The following ITGB7 variants were observed in gnomAD, a reference collection of about 807,000 sequenced individuals.
The protein encoded by ITGB7 is integrin beta-7.
Under a neutral mutation model 83.4 loss-of-function variants are expected in ITGB7, and 55 were observed. That is an observed-to-expected ratio of 0.66 (90% CI 0.53 to 0.83). The LOEUF (loss-of-function observed/expected upper bound fraction) is 0.83. Ranked by LOEUF, ITGB7 falls within the 40% of genes least tolerant of loss-of-function variation. The pLI is 0.00. For missense variants in ITGB7, 921 were observed against 1,046.7 expected (o/e 0.88, Z 1.66); for synonymous variants, 454 against 423.6 (o/e 1.07, Z -0.88).
At chr12:53,198,883 G>A (rs1352532906) in intron 3 of ITGB7, among the ~76,000 whole-genome samples, 3 of 152,176 alleles carry the variant, frequency 2.0e-5, no homozygotes, top group South Asian at 2.1e-4. Context: ...GGAAGCCACA[G>A]GGGAAGGAAA....
chr12:53,194,194 T>C lies in ITGB7; in HGVS notation c.1308+4A>G. 6.2e-7 allele frequency: 1 copy of C among 1,614,058 alleles called. No homozygotes were observed. The highest frequency in any genetic ancestry group is 8.5e-7 in the Non-Finnish European group (1 of 1,179,996). ...GCCTTCTGCCTGTGCTTGCTGGCTC[T>C]CACCGTCTGGTTGATTCGGACGTGG... On this transcript the variant is annotated splice_donor_region_variant and intron_variant, in intron 10 of 15. Coordinates refer to ENST00000267082, the MANE Select transcript of ITGB7 (RefSeq NM_000889.3).
Position 53,203,853 on chromosome 12 carries a change from G to A in ITGB7, c.-126-2659C>T, listed in dbSNP as rs559354297. ...TACAATCTCTGTGGAAAACAATTTG[G>A]TTCCTCAATAAATTGAGCATAGGAT... On this transcript the variant is annotated intron_variant, in intron 1 of 15. Coordinates refer to ENST00000267082, the MANE Select transcript of ITGB7 (RefSeq NM_000889.3). 9.9e-5 allele frequency among the ~76,000 whole-genome samples: 15 copies of A among 152,074 alleles called. 1 individual carries two copies. The highest frequency in any genetic ancestry group is 3.6e-4 in the African/African-American group (15 of 41,492).
At chr12:53,199,687 A>G (rs1467279592) in intron 3 of ITGB7, among the ~76,000 whole-genome samples, 1 of 117,822 alleles carries the variant, frequency 8.5e-6, no homozygotes, top group East Asian at 2.8e-4. Flanking sequence ...CCCATCCCCC[A>G]ACCCCATCCC....
rs781513236 is a variant in ITGB7 at position 53,191,779 on chromosome 12, G to A, written c.2316+80C>T. 97 of 1,587,526 alleles carry A rather than the reference G, an allele frequency of 6.1e-5. 1 individual carries two copies. The highest frequency in any genetic ancestry group is 6.1e-5 in the Non-Finnish European group (71 of 1,157,626). On this transcript the variant is annotated intron_variant, in intron 15 of 15. Coordinates refer to ENST00000267082, the MANE Select transcript of ITGB7 (RefSeq NM_000889.3). ...TTGGTTACATGTGCCAGGGGCTGGG[G>A]GAACCCAGTGGGAGGAATCAGGGCT...
At position 53,193,786 on chromosome 12, in the gene ITGB7, T is replaced by C; in HGVS notation, c.1424A>G (p.Asp475Gly). Residue 475 changes from aspartate to glycine, a missense_variant, in exon 11 of 16, where the codon GAC becomes GGC. Coordinates refer to ENST00000267082, the MANE Select transcript of ITGB7 (RefSeq NM_000889.3). ...GGGCTGGGTGTCACTGCAATTACAG[T>C]CACACAGCGTGTGCAACTCCACAAT... ...ELIVELHTLCDCNCSDTQPQA... is the reference protein window; with the variant it reads ...ELIVELHTLCGCNCSDTQPQA... 1 of 1,613,928 alleles carries C rather than the reference T, an allele frequency of 6.2e-7. No individual in the cohort carries two copies. The highest frequency in any genetic ancestry group is 8.5e-7 in the Non-Finnish European group (1 of 1,179,960).
intron 1 of ITGB7, among the ~76,000 whole-genome samples, chr12:53,206,495 C>T (rs116985243): frequency 1.3e-5 from 2 of 152,170 alleles, no homozygotes; most frequent in East Asian, 3.9e-4. Flanking sequence ...CCCCACTAGC[C>T]CTGGTGGGCT....
At chr12:53,192,184 A>G (rs1941978204) in intron 14 of ITGB7, 146 bp downstream of exon 14, 2 of 1,195,126 alleles carry the variant, frequency 1.7e-6, no homozygotes, top group African/African-American at 1.5e-5. Context: ...AGCCTCGTCC[A>G]CTTGCTCAAT....
At position 53,193,694 on chromosome 12, in the gene ITGB7, G is replaced by T. The variant is rs1394541836; in HGVS notation, c.1502+14C>A. 8 of 1,593,864 alleles carry T rather than the reference G, an allele frequency of 5.0e-6. No individual in the cohort carries two copies. The highest frequency in any genetic ancestry group is 6.0e-6 in the Non-Finnish European group (7 of 1,168,536). Reference sequence around the variant, plus strand: ...TTGGGAGCCAGGTGGTTGAAGGGAAGAGGAGGCCCTCACCTGCATACACCA... The same window carrying T: ...TTGGGAGCCAGGTGGTTGAAGGGAATAGGAGGCCCTCACCTGCATACACCA... On this transcript the variant is annotated intron_variant, in intron 11 of 15. Transcript: ENST00000267082.
At position 53,197,715 on chromosome 12, in the gene ITGB7, A is replaced by C. The variant is rs766466305; in HGVS notation, c.403+35T>G. ...GCAGAGCGCATTGGAACGCCAGCCT[A>C]GACCTCTGGCCTGGCCCCGCCTCCC... On this transcript the variant is annotated intron_variant, in intron 4 of 15. Transcript: ENST00000267082. 1.9e-6 allele frequency: 3 copies of C among 1,595,754 alleles called. No individual in the cohort carries two copies. The African/African-American group carries it at 4.0e-5, about 21-fold the overall frequency.
At position 53,193,740 on chromosome 12, in the gene ITGB7, A is replaced by C; in HGVS notation, c.1470T>G (p.Asp490Glu). ...DTQPQAPHCS[D>E]GQGHLQCGVC... ...CACCACATTGTAGGTGTCCCTGGCC[A>C]TCACTGCAGTGGGGAGCCTGGGGCT... Residue 490 changes from aspartate (D) to glutamate (E), a missense_variant, in exon 11 of 16, where the codon GAT (aspartate) becomes GAG (glutamate). By Grantham distance (45) the Asp-to-Glu change is conservative. Coordinates refer to ENST00000267082, the MANE Select transcript of ITGB7 (RefSeq NM_000889.3). 6.2e-7 allele frequency: 1 copy of C among 1,613,808 alleles called. No homozygotes were observed. Among genetic ancestry groups the C allele is most frequent in the Non-Finnish European group, 8.5e-7 (1 of 1,179,868 alleles).
rs1942010774 is a variant in ITGB7 at position 53,192,852 on chromosome 12, T to C, written c.1785A>G (p.Ala595=). ...TGTCCATGTCCCCACTGCATTCGCA[T>C]GCTCTGCCCGTGCGGTTGGCATGAC... ...CHCHANRTGR[A]CECSGDMDSC... is the part of the protein sequence containing the mutation. Residue 595 remains alanine (A), a synonymous_variant, in exon 13 of 16, where the codon GCA becomes GCG. Coordinates refer to ENST00000267082, the MANE Select transcript of ITGB7 (RefSeq NM_000889.3). The C allele has an allele frequency of 1.9e-6, 3 of 1,614,112 alleles. No homozygotes were observed. Among genetic ancestry groups the C allele is most frequent in the Admixed American group, 3.3e-5 (2 of 60,014 alleles).
Position 53,192,376 on chromosome 12 carries a change from C to T in ITGB7, c.2109G>A (p.Glu703=). ...LDNQLFFFLV[E]DDARGTVVLR... ...GCACGACCGTGCCTCTGGCGTCATC[C>T]TCCACCAAGAAGAAGAACAGCTGGT... Residue 703 remains glutamate (E), a synonymous_variant, in exon 14 of 16, where the codon GAG becomes GAA. Transcript: ENST00000267082. 1 of 1,614,166 alleles carries T rather than the reference C, an allele frequency of 6.2e-7. No homozygotes were observed. The highest frequency in any genetic ancestry group is 8.5e-7 in the Non-Finnish European group (1 of 1,180,036).
chr12:53,200,385 T>G lies in ITGB7; in HGVS notation c.59A>C (p.Glu20Ala). ...TGTGGATGGGATCTTGGCGTCCAAT[T>G]CACTCTCACCTCTGCTCAGGACCAG... is the stretch of plus-strand genomic sequence containing the variant. ...LLLVLSRGESELDAKIPSTGD... is the reference protein window; with the variant it reads ...LLLVLSRGESALDAKIPSTGD... The change falls in exon 3 of 16, where the codon GAA becomes GCA. Residue 20 changes from glutamate (E) to alanine (A), a missense_variant. By Grantham distance (107) the Glu-to-Ala change is moderately radical. Coordinates refer to ENST00000267082, the MANE Select transcript of ITGB7 (RefSeq NM_000889.3). 5 of 1,614,156 alleles carry G rather than the reference T, an allele frequency of 3.1e-6. No individual in the cohort carries two copies. The highest frequency in any genetic ancestry group is 4.2e-6 in the Non-Finnish European group (5 of 1,180,024).
chr12:53,206,188 GTC>G (rs1046352517), intron 1 of ITGB7, among the ~76,000 whole-genome samples: 3 of 152,042 alleles, frequency 2.0e-5, no homozygotes, highest in Non-Finnish European at 4.4e-5. Flanking sequence ...CTGCTTCTCT[GTC>G]TCTCTCTGGC....
At position 53,196,136 on chromosome 12, in the gene ITGB7, T is replaced by A. The variant is rs1441767396; in HGVS notation, c.880A>T (p.Thr294Ser). ...LVFTSDDTFH[T>S]AGDGKLGGIF... Reference sequence around the variant, plus strand: ...CCGCCCAACTTCCCGTCCCCAGCTGTATGGAATGTGTCGTCTGAAGTGAAC... The same window carrying A: ...CCGCCCAACTTCCCGTCCCCAGCTGAATGGAATGTGTCGTCTGAAGTGAAC... The change falls in exon 7 of 16, where the codon ACA becomes TCA. Residue 294 changes from threonine (T) to serine (S), a missense_variant. Physicochemically the swap from Thr to Ser is moderately conservative, Grantham distance 58. Transcript: ENST00000267082. 6.2e-7 allele frequency: 1 copy of A among 1,614,142 alleles called. No homozygotes were observed.
chr12:53,196,908 G>A (rs1942180928), intron 5 of ITGB7, 88 bp from the exon 6 acceptor site: 2 of 1,480,006 alleles, frequency 1.4e-6, no homozygotes, highest in African/African-American at 2.8e-5. Flanking sequence ...AAGTGGGGTG[G>A]GGAGGACGGT....
chr12:53,197,033 C>T, intron 5 of ITGB7: 1 of 598,458 alleles, frequency 1.7e-6, no homozygotes, highest in Non-Finnish European at 2.9e-6. Context: ...ACACAACTTC[C>T]TGGGCAAATG....
rs1444700215 is a variant in ITGB7, at chr12:53,193,188, C to T, written c.1678G>A (p.Glu560Lys). The T allele has an allele frequency of 3.1e-6, 5 of 1,614,100 alleles. No individual in the cohort carries two copies. Among genetic ancestry groups the T allele is most frequent in the African/African-American group, 2.7e-5 (2 of 75,036 alleles). Residue 560 changes from glutamate (E) to lysine (K), a missense_variant, in exon 12 of 16, where the codon GAG (glutamate) becomes AAG (lysine). Physicochemically the swap from Glu to Lys is moderately conservative, Grantham distance 56. Transcript: ENST00000267082. ...CGCTCACAGCTGGCATCGTCACACTCGCACAGATGCCCAGAGCTCTGTCCA... is the reference window on the plus strand; with the variant it reads ...CGCTCACAGCTGGCATCGTCACACTTGCACAGATGCCCAGAGCTCTGTCCA... ...CSGQSSGHLCECDDASCERHE... is the reference protein window; with the variant it reads ...CSGQSSGHLCKCDDASCERHE...
rs764733318 is a variant in ITGB7, at chr12:53,191,938, T to C, written c.2237A>G (p.Tyr746Cys). The C allele has an allele frequency of 4.3e-6, 7 of 1,610,630 alleles. No homozygotes were observed. Among genetic ancestry groups the C allele is most frequent in the Non-Finnish European group, 5.9e-6 (7 of 1,179,806 alleles). ...GTCATAGATTTCCACCGAGAGCCGGTAAGCCAGGACCAGCCCCAGCCCCAC... is the reference window on the plus strand; with the variant it reads ...GTCATAGATTTCCACCGAGAGCCGGCAAGCCAGGACCAGCCCCAGCCCCAC... ...VAVGLGLVLA[Y>C]RLSVEIYDRR... is the part of the protein sequence containing the mutation. The change falls in exon 15 of 16, where the codon TAC (tyrosine) becomes TGC (cysteine). Residue 746 changes from tyrosine to cysteine, a missense_variant. By Grantham distance (194) the Tyr-to-Cys change is radical. Transcript: ENST00000267082.
Sources: allele counts gnomAD v4.1 joint callset (sites outside exome capture counted in the v4.1 genomes callset), GRCh38; gene constraint gnomAD v4.1.1; transcripts MANE v1.5; gene names NCBI Gene and HGNC (gene_info 2026-07-23, HGNC 2026-07-21).